SPAG16: variants seen among roughly 807,000 people sequenced by gnomAD.
SPAG16 encodes the protein sperm-associated antigen 16 protein.
SPAG16 carries 86 observed loss-of-function variants against 80.4 expected under a neutral mutation model. The ratio of observed to expected loss-of-function variants is 1.07; its 90% CI spans 0.90 to 1.28. The LOEUF (loss-of-function observed/expected upper bound fraction) is 1.28. Among genes scored for constraint, SPAG16 ranks in the 50% most tolerant of loss-of-function variants. SPAG16 has a pLI of 0.00. For synonymous variants in SPAG16, 294 were observed against 265.9 expected, an observed-to-expected ratio of 1.11 and a Z score of -1.03; for missense variants, 870 against 765.3, an observed-to-expected ratio of 1.14 and a Z score of -1.61.
intron 12 of SPAG16, among the ~76,000 whole-genome samples, chr2:213,986,775 T>C (rs2046025354): frequency 6.6e-6 from 1 of 150,972 alleles, no homozygotes; most frequent in African/African-American, 2.4e-5. Context: ...AAAAAGAAAA[T>C]AGACTGTGTA....
intron 9 of SPAG16, among the ~76,000 whole-genome samples, chr2:213,451,663 G>C (rs2071698081): frequency 6.6e-6 from 1 of 152,130 alleles, no homozygotes; most frequent in Admixed American, 6.5e-5. Flanking sequence ...ATGGGTTGCT[G>C]AGTGGTAGTA....
At position 213,910,166 on chromosome 2, in the gene SPAG16, A is replaced by C. The variant is rs116502464; in HGVS notation, c.1215-19794A>C. Among the ~76,000 whole-genome samples, 768 of 152,312 alleles carry C rather than the reference A, an allele frequency of 5.0e-3. 5 individuals carry two copies. The highest frequency in any genetic ancestry group is 0.017 in the African/African-American group (703 of 41,566). On this transcript the variant is annotated intron_variant, in intron 11 of 15. Transcript: ENST00000331683. ...CTATGGTAACAGAACATTGTGACTA[A>C]TAGCCTTTTTATGAATTCAAATAGT...
intron 10 of SPAG16, among the ~76,000 whole-genome samples, chr2:213,624,431 G>C (rs1310283516): frequency 6.6e-6 from 1 of 151,922 alleles, no homozygotes; most frequent in African/African-American, 2.4e-5. Context: ...AGACATAAAG[G>C]CAACACTAGA....
At chr2:213,605,809 G>A (rs1280986805) in intron 10 of SPAG16, among the ~76,000 whole-genome samples, 1 of 152,126 alleles carries the variant, frequency 6.6e-6, no homozygotes, top group Non-Finnish European at 1.5e-5. Flanking sequence ...TTCTGAAAGA[G>A]AACTTTTAGG....
At chr2:213,304,709 T>G (rs1408712437) in intron 3 of SPAG16, among the ~76,000 whole-genome samples, 3 of 152,116 alleles carry the variant, frequency 2.0e-5, no homozygotes, top group Admixed American at 2.0e-4. Context: ...TGTGTTTCTG[T>G]GTGCTCTGTT....
chr2:213,960,807 C>A (rs144037657), intron 12 of SPAG16, among the ~76,000 whole-genome samples: 2 of 152,150 alleles, frequency 1.3e-5, no homozygotes, highest in African/African-American at 2.4e-5. Flanking sequence ...CTTTTAAATG[C>A]CCTAGAAGTT....
intron 10 of SPAG16, among the ~76,000 whole-genome samples, chr2:213,613,629 T>A (rs1291600946): frequency 6.6e-6 from 1 of 152,240 alleles, no homozygotes; most frequent in Non-Finnish European, 1.5e-5. Context: ...TGACACCTCC[T>A]ATCTACATTT....
chr2:213,442,359 G>A (rs2071024983), intron 9 of SPAG16, among the ~76,000 whole-genome samples: 1 of 152,208 alleles, frequency 6.6e-6, no homozygotes, highest in Non-Finnish European at 1.5e-5. Context: ...AACTTGACCA[G>A]TAGATTGATT....
chr2:213,388,941 A>G (rs2067593939), intron 9 of SPAG16, among the ~76,000 whole-genome samples: 1 of 152,196 alleles, frequency 6.6e-6, no homozygotes, highest in Admixed American at 6.5e-5. Context: ...GTATAGTCTC[A>G]AGGGACACTG....
chr2:214,077,511 A>G (rs2051139649), intron 13 of SPAG16, among the ~76,000 whole-genome samples: 1 of 152,138 alleles, frequency 6.6e-6, no homozygotes, highest in Non-Finnish European at 1.5e-5. Flanking sequence ...CTTTTCACTG[A>G]TTTTCCCAGC....
At chr2:214,312,830 CTA>C (rs1695430357) in intron 15 of SPAG16, among the ~76,000 whole-genome samples, 1 of 152,050 alleles carries the variant, frequency 6.6e-6, no homozygotes, top group Admixed American at 6.6e-5. Context: ...AATTAGTACT[CTA>C]TTTCTGAATG....
At chr2:213,984,766 A>G (rs2045924789) in intron 12 of SPAG16, among the ~76,000 whole-genome samples, 1 of 151,994 alleles carries the variant, frequency 6.6e-6, no homozygotes, top group Non-Finnish European at 1.5e-5. Flanking sequence ...CCAACCATAT[A>G]TGCCATCACT....
chr2:214,225,556 A>G (rs1430344114), intron 15 of SPAG16, among the ~76,000 whole-genome samples: 8 of 152,166 alleles, frequency 5.3e-5, no homozygotes, highest in Non-Finnish European at 8.8e-5. Flanking sequence ...TTATCTCCAT[A>G]TATGTGACAG....
rs946438248 is a variant in SPAG16, at chr2:213,966,099, G to C, written c.1400+35954G>C. Among the ~76,000 whole-genome samples, 22 of 152,106 alleles carry C rather than the reference G, an allele frequency of 1.4e-4. 1 individual carries two copies. Among genetic ancestry groups the C allele is most frequent in the Non-Finnish European group, 2.9e-4 (20 of 68,018 alleles). Reference sequence around the variant, plus strand: ...CATATACCTAGGGCAGAGGAAAATTGCTAGTTTGGGATCTTCCCTTCCTGA... The same window carrying C: ...CATATACCTAGGGCAGAGGAAAATTCCTAGTTTGGGATCTTCCCTTCCTGA... On this transcript the variant is annotated intron_variant, in intron 12 of 15. Coordinates refer to ENST00000331683, the MANE Select transcript of SPAG16 (RefSeq NM_024532.5).
chr2:213,625,391 CCTGT>C (rs2061926826), intron 10 of SPAG16, among the ~76,000 whole-genome samples: 2 of 151,970 alleles, frequency 1.3e-5, no homozygotes, highest in African/African-American at 4.8e-5. Flanking sequence ...ACATTGCATG[CCTGT>C]ATCAAAACAC....
chr2:214,378,928 T>C (rs1436018258), intron 15 of SPAG16, among the ~76,000 whole-genome samples: 2 of 152,206 alleles, frequency 1.3e-5, no homozygotes, highest in African/African-American at 4.8e-5. Flanking sequence ...TAAAACCTCA[T>C]GACTCGTTCT....
At chr2:214,194,925 G>A (rs1912224) in intron 15 of SPAG16, among the ~76,000 whole-genome samples, 45,376 of 151,752 alleles carry the variant, frequency 0.3, 8,440 homozygotes, top group Non-Finnish European at 0.41. Flanking sequence ...TAGCCATTGT[G>A]TTAAACTCTG....
chr2:213,424,048 A>G (rs2069759019), intron 9 of SPAG16, among the ~76,000 whole-genome samples: 1 of 152,088 alleles, frequency 6.6e-6, no homozygotes, highest in Admixed American at 6.6e-5. Flanking sequence ...TGACAAACTT[A>G]ATTTCCTCAT....
chr2:214,373,524 T>C (rs1699938624), intron 15 of SPAG16, among the ~76,000 whole-genome samples: 1 of 152,164 alleles, frequency 6.6e-6, no homozygotes, highest in Non-Finnish European at 1.5e-5. Context: ...AAATAGGCTG[T>C]CCATGGCAGG....
Sources: gnomAD v4.1 joint callset for allele counts (sites outside exome capture counted in the v4.1 genomes callset) on GRCh38, gnomAD v4.1.1 for gene constraint, MANE v1.5 for transcripts, NCBI Gene and HGNC (gene_info 2026-07-23, HGNC 2026-07-21) for gene names.